RECK: variants seen among roughly 807,000 people sequenced by gnomAD.
RECK encodes reversion-inducing cysteine-rich protein with Kazal motifs.
In RECK, 69 loss-of-function variants were observed where a neutral mutation model predicts 115.1. The ratio of observed to expected loss-of-function variants is 0.60; its 90% CI spans 0.49 to 0.73. RECK has a LOEUF of 0.73. Among genes scored for constraint, RECK ranks in the 30% least tolerant of loss-of-function variants. The probability of loss-of-function intolerance (pLI) is 0.00; values close to 1 mark genes in which losing one functional copy is unlikely to be tolerated. For synonymous variants in RECK, 414 were observed against 419.7 expected (o/e 0.99, Z 0.17); for missense variants, 1,047 against 1,203.7 (o/e 0.87, Z 1.93).
chr9:36,110,560 C>T (rs756206975), intron 15 of RECK, among the ~76,000 whole-genome samples: 1 of 152,182 alleles, frequency 6.6e-6, no homozygotes, highest in Non-Finnish European at 1.5e-5. Context: ...ATTATTCTTA[C>T]ACCAACATAA....
chr9:36,052,860 A>G (rs1183962386), intron 2 of RECK, among the ~76,000 whole-genome samples: 1 of 152,208 alleles, frequency 6.6e-6, no homozygotes, highest in Admixed American at 6.5e-5. Context: ...AAATTGCTAT[A>G]AAGGACATTA....
chr9:36,068,450 G>A (rs1359809846), intron 6 of RECK, among the ~76,000 whole-genome samples: 2 of 152,170 alleles, frequency 1.3e-5, no homozygotes, highest in Non-Finnish European at 2.9e-5. Context: ...TGGCAATAGG[G>A]CAGGCTTGCT....
At chr9:36,108,413 G>GTCT (rs1341878652) in intron 14 of RECK, among the ~76,000 whole-genome samples, 1 of 152,092 alleles carries the variant, frequency 6.6e-6, no homozygotes, top group Admixed American at 6.6e-5. Context: ...ACAAAGCTAA[G>GTCT]TCTTGCCTTA....
At chr9:36,063,012 G>A (rs537476311) in intron 4 of RECK, among the ~76,000 whole-genome samples, 2 of 152,068 alleles carry the variant, frequency 1.3e-5, no homozygotes, top group South Asian at 4.2e-4. Flanking sequence ...GCAGACGCCT[G>A]TAGTCCCAGC....
chr9:36,044,383 C>T (rs952282160), intron 1 of RECK, among the ~76,000 whole-genome samples: 2 of 152,078 alleles, frequency 1.3e-5, no homozygotes, highest in Admixed American at 6.5e-5. Context: ...TTGGATGAGT[C>T]TTTAGGGTTT....
chr9:36,087,602 G>A, intron 8 of RECK, 92 bp from the exon 9 acceptor site: 1 of 1,331,748 alleles, frequency 7.5e-7, no homozygotes, highest in Non-Finnish European at 1.0e-6. Context: ...TAACAAATCT[G>A]CACATTCTGC....
At chr9:36,121,729 A>G in intron 20 of RECK, 41 bp downstream of exon 20, 1 of 1,603,780 alleles carries the variant, frequency 6.2e-7, no homozygotes, top group South Asian at 1.1e-5. Context: ...TGTCACTTTC[A>G]AGTTTGGTGC....
chr9:36,110,163 T>A, intron 15 of RECK, 84 bp downstream of exon 15: 4 of 1,417,418 alleles, frequency 2.8e-6, no homozygotes, highest in Non-Finnish European at 3.9e-6. Context: ...TTCTCCAGTC[T>A]TAACTGCAAA....
At chr9:36,056,273 C>T (rs540237241) in intron 2 of RECK, among the ~76,000 whole-genome samples, 45 of 152,094 alleles carry the variant, frequency 3.0e-4, no homozygotes, top group Non-Finnish European at 5.7e-4. Context: ...ACTGTTATTA[C>T]TTCTTTGAAA....
At chr9:36,092,542 A>AT (rs71508011) in intron 10 of RECK, among the ~76,000 whole-genome samples, 41,139 of 116,668 alleles carry the variant, frequency 0.35, 8,001 homozygotes, top group Middle Eastern at 0.45. Flanking sequence ...CACCCAGCTA[A>AT]TTTTTTTTTT....
At chr9:36,112,594 GT>G (rs1407789128) in intron 16 of RECK, 118 bp downstream of exon 16, 2 of 1,100,614 alleles carry the variant, frequency 1.8e-6, no homozygotes, top group African/African-American at 3.2e-5. Context: ...GCCCTGAAGA[GT>G]TTGGAGTCTG....
At chr9:36,075,361 G>A (rs1274584261) in intron 6 of RECK, among the ~76,000 whole-genome samples, 1 of 152,140 alleles carries the variant, frequency 6.6e-6, no homozygotes, top group Non-Finnish European at 1.5e-5. Flanking sequence ...GCCCTGTGGT[G>A]ATAATGAGCA....
chr9:36,043,580 A>G (rs373808011), intron 1 of RECK, among the ~76,000 whole-genome samples: 29 of 152,178 alleles, frequency 1.9e-4, no homozygotes, highest in African/African-American at 7.0e-4. Context: ...GTTCTCGGTC[A>G]TAAAGTCTTT....
intron 11 of RECK, 108 bp downstream of exon 11, chr9:36,100,651 T>C: frequency 1.3e-6 from 1 of 772,136 alleles, no homozygotes; most frequent in East Asian, 2.7e-5. Context: ...CCTTTGCCTA[T>C]CACCCCCGTA....
chr9:36,044,350 C>T (rs1156652065), intron 1 of RECK, among the ~76,000 whole-genome samples: 1 of 151,734 alleles, frequency 6.6e-6, no homozygotes, highest in African/African-American at 2.4e-5. Context: ...TTATTGAATT[C>T]GTTTATCAGA....
intron 17 of RECK, 25 bp downstream of exon 17, chr9:36,117,202 A>G: frequency 6.4e-7 from 1 of 1,564,110 alleles, no homozygotes; most frequent in African/African-American, 1.4e-5. Flanking sequence ...CTGACAAAAC[A>G]AAGTACACTA....
intron 6 of RECK, among the ~76,000 whole-genome samples, chr9:36,078,149 A>G (rs997060683): frequency 6.6e-6 from 1 of 152,256 alleles, no homozygotes; most frequent in African/African-American, 2.4e-5. Context: ...GGCAGGCAAG[A>G]TTTGGCTTGT....
intron 1 of RECK, among the ~76,000 whole-genome samples, chr9:36,048,477 C>T (rs369061070): frequency 6.6e-6 from 1 of 152,022 alleles, no homozygotes; most frequent in African/African-American, 2.4e-5. Flanking sequence ...ATAGTTGTTT[C>T]CTTTCTCTAT....
At chr9:36,097,111 G>A (rs1444641639) in intron 10 of RECK, among the ~76,000 whole-genome samples, 1 of 152,106 alleles carries the variant, frequency 6.6e-6, no homozygotes, top group Non-Finnish European at 1.5e-5. Flanking sequence ...ATCACTTGAG[G>A]TCAAGAGTTC....
Sources: gnomAD v4.1 joint callset for allele counts (sites outside exome capture counted in the v4.1 genomes callset) on GRCh38, gnomAD v4.1.1 for gene constraint, MANE v1.5 for transcripts, NCBI Gene and HGNC (gene_info 2026-07-23, HGNC 2026-07-21) for gene names.